DNAJC11: variants seen among roughly 807,000 people sequenced by gnomAD.
DNAJC11 encodes the protein dnaJ homolog subfamily C member 11.
A neutral mutation model predicts 78.6 loss-of-function variants in DNAJC11; 15 were observed. That is an observed-to-expected ratio of 0.19 (90% CI 0.13 to 0.29). The LOEUF (loss-of-function observed/expected upper bound fraction) is 0.29, where lower values mean the gene tolerates loss of function less well. Among genes scored for constraint, DNAJC11 ranks in the 10% least tolerant of loss-of-function variants. The pLI, the probability that DNAJC11 is intolerant of heterozygous loss-of-function variation, is 1.00. For synonymous variants in DNAJC11, 292 were observed against 272.1 expected, an observed-to-expected ratio of 1.07 and a Z score of -0.72; for missense variants, 547 against 709.6, an observed-to-expected ratio of 0.77 and a Z score of 2.60.
chr1:6,695,743 G>A (rs973664447), intron 1 of DNAJC11, among the ~76,000 whole-genome samples: 4 of 151,726 alleles, frequency 2.6e-5, no homozygotes, highest in Non-Finnish European at 5.9e-5. Flanking sequence ...AGGAGGTGGA[G>A]GTTGCAGTGA....
At chr1:6,695,665 G>A (rs567627173) in intron 1 of DNAJC11, among the ~76,000 whole-genome samples, 38 of 117,296 alleles carry the variant, frequency 3.2e-4, no homozygotes, top group African/African-American at 8.9e-4. Context: ...AAAATTAGCC[G>A]GGTGTACTGG....
chr1:6,665,660 T>C (rs1174695367), intron 4 of DNAJC11, among the ~76,000 whole-genome samples: 1 of 152,174 alleles, frequency 6.6e-6, no homozygotes, highest in African/African-American at 2.4e-5. Context: ...CACAGAAACA[T>C]GGCCTGCAGA....
At position 6,653,147 on chromosome 1, in the gene DNAJC11, A is replaced by T. The variant is rs1642081199; in HGVS notation, c.508-196T>A. Among the ~76,000 whole-genome samples, 1 of 152,138 alleles carries T rather than the reference A, an allele frequency of 6.6e-6. No homozygotes were observed. Among genetic ancestry groups the T allele is most frequent in the South Asian group, 2.1e-4 (1 of 4,824 alleles). On this transcript the variant is annotated intron_variant, in intron 5 of 15. Transcript: ENST00000377577. This position sits in a 1 kb window ranked among gnomAD's most constrained non-coding sequence, Gnocchi z 4.5. ...GTTATTTGGTCTGCATGTGACCACG[A>T]GGGTAATATGCTTTGCAAAAGCTTT...
chr1:6,647,829 C>G (rs1184907651), intron 7 of DNAJC11, among the ~76,000 whole-genome samples: 2 of 151,948 alleles, frequency 1.3e-5, no homozygotes, highest in Non-Finnish European at 2.9e-5. Flanking sequence ...CAAAACAAAA[C>G]AAACAAAAAA....
At chr1:6,660,959 C>G (rs1047910573) in intron 4 of DNAJC11, among the ~76,000 whole-genome samples, 1 of 152,232 alleles carries the variant, frequency 6.6e-6, no homozygotes, top group African/African-American at 2.4e-5. Flanking sequence ...TTTATTCAGC[C>G]AGGAATGTAC....
chr1:6,673,833 A>G lies in DNAJC11; in HGVS notation c.276+4561T>C, dbSNP rs151263385. On this transcript the variant is annotated intron_variant, in intron 3 of 15. Coordinates refer to ENST00000377577, the MANE Select transcript of DNAJC11 (RefSeq NM_018198.4). The stretch of plus-strand genomic sequence containing the variant: ...TTGCTAGTTTTTCATGATCTTGACC[A>G]TATTACTGCTTTTAATACAGGCTGA... Among the ~76,000 whole-genome samples, 401 of 152,314 alleles carry G rather than the reference A, an allele frequency of 2.6e-3. 1 individual carries two copies. Among genetic ancestry groups the G allele is most frequent in the Non-Finnish European group, 4.8e-3 (326 of 68,038 alleles).
chr1:6,674,455 G>A (rs940851562), intron 3 of DNAJC11, among the ~76,000 whole-genome samples: 1 of 152,128 alleles, frequency 6.6e-6, no homozygotes, highest in South Asian at 2.1e-4. Flanking sequence ...CAGCTACTCG[G>A]GAGGCTGAGG....
chr1:6,641,323 T>C (rs1163429363), intron 10 of DNAJC11, among the ~76,000 whole-genome samples: 1 of 148,618 alleles, frequency 6.7e-6, no homozygotes, highest in Non-Finnish European at 1.5e-5. Context: ...GAGGTGGAGG[T>C]TGCAGTGAGC....
At chr1:6,666,209 T>C (rs56150786) in intron 4 of DNAJC11, among the ~76,000 whole-genome samples, 7,573 of 152,262 alleles carry the variant, frequency 0.05, 253 homozygotes, top group Non-Finnish European at 0.072. Flanking sequence ...CATAATTTTA[T>C]CTGGTCAGAT....
chr1:6,643,476 C>A (rs528153688), intron 10 of DNAJC11, among the ~76,000 whole-genome samples: 34 of 151,856 alleles, frequency 2.2e-4, no homozygotes, highest in African/African-American at 8.0e-4. Context: ...GGGGTTTCAC[C>A]GTGTTAGCCA....
At chr1:6,636,485 T>A (rs1014679555) in intron 14 of DNAJC11, among the ~76,000 whole-genome samples, 5 of 152,188 alleles carry the variant, frequency 3.3e-5, no homozygotes, top group Non-Finnish European at 5.9e-5. Flanking sequence ...TGCCAGGAAC[T>A]CTCTGGCCTG....
At chr1:6,681,380 A>C (rs1316681895) in intron 1 of DNAJC11, among the ~76,000 whole-genome samples, 1 of 152,228 alleles carries the variant, frequency 6.6e-6, no homozygotes, top group Non-Finnish European at 1.5e-5. Context: ...AAATCATGCC[A>C]AGGCACTCTA....
intron 10 of DNAJC11, among the ~76,000 whole-genome samples, 160 bp downstream of exon 10, chr1:6,644,398 T>C (rs556029067): frequency 1.3e-5 from 2 of 152,320 alleles, no homozygotes; most frequent in Non-Finnish European, 2.9e-5. Context: ...CCTCCTAAAG[T>C]GCTGGGATTA....
intron 1 of DNAJC11, among the ~76,000 whole-genome samples, chr1:6,700,226 C>T (rs1487011086): frequency 6.6e-6 from 1 of 152,084 alleles, no homozygotes; most frequent in Non-Finnish European, 1.5e-5. Flanking sequence ...TGAGATCCAC[C>T]CCCTGCCCAC....
intron 1 of DNAJC11, among the ~76,000 whole-genome samples, chr1:6,700,784 C>G (rs1052613999): frequency 1.3e-5 from 2 of 152,214 alleles, no homozygotes. Flanking sequence ...CATAGCCAAA[C>G]TTGGCTAGCT....
intron 1 of DNAJC11, among the ~76,000 whole-genome samples, chr1:6,695,720 A>G (rs767469575): frequency 2.6e-4 from 39 of 149,896 alleles, no homozygotes; most frequent in Non-Finnish European, 4.7e-4. Context: ...AGGCAGGAGA[A>G]TTGCATGAAC....
intron 3 of DNAJC11, among the ~76,000 whole-genome samples, chr1:6,674,748 A>G (rs1642433796): frequency 1.3e-5 from 2 of 151,926 alleles, no homozygotes; most frequent in South Asian, 4.2e-4. Context: ...AAGTCTGAAA[A>G]TTTACCTAAT....
chr1:6,636,397 G>T, intron 14 of DNAJC11, 151 bp from the exon 15 acceptor site: 1 of 1,220,526 alleles, frequency 8.2e-7, no homozygotes, highest in Admixed American at 2.7e-5. Context: ...ACAAGAATTT[G>T]AAAAAGTTGC....
Position 6,679,900 on chromosome 1 carries a change from C to T in DNAJC11, c.202+1008G>A, listed in dbSNP as rs545607139. 5.3e-5 allele frequency among the ~76,000 whole-genome samples: 8 copies of T among 152,300 alleles called. No homozygotes were observed. In the South Asian group the frequency reaches 1.0e-3, roughly 20 times the overall value. On this transcript the variant is annotated intron_variant, in intron 2 of 15. Coordinates refer to ENST00000377577, the MANE Select transcript of DNAJC11 (RefSeq NM_018198.4). ...AAAAGAACAGGCTACTCTTCACAAC[C>T]GCCATGCAAATGATCTGAATACAGT...
Sources: gnomAD v4.1 joint callset for allele counts (sites outside exome capture counted in the v4.1 genomes callset) on GRCh38, gnomAD v4.1.1 for gene constraint, Gnocchi (gnomAD v3.1) non-coding constraint, MANE v1.5 for transcripts, NCBI Gene and HGNC (gene_info 2026-07-23, HGNC 2026-07-21) for gene names.